ANKFN1: variants seen among roughly 807,000 people sequenced by gnomAD.
ANKFN1 encodes the protein ankyrin repeat and fibronectin type III domain containing 1, also known as ankyrin repeat and fibronectin type-III domain-containing protein 1.
In ANKFN1, 74 loss-of-function variants were observed where a neutral mutation model predicts 108.7. The observed-to-expected ratio is 0.68, with a 90% CI of 0.56 to 0.83. The LOEUF (loss-of-function observed/expected upper bound fraction) is 0.83. ANKFN1 is among the 40% of genes least tolerant of loss of function. The pLI, the probability that ANKFN1 is intolerant of heterozygous loss-of-function variation, is 0.00. For synonymous variants in ANKFN1, 547 were observed against 516.2 expected, an observed-to-expected ratio of 1.06 and a Z score of -0.81; for missense variants, 1,505 against 1,382.3, an observed-to-expected ratio of 1.09 and a Z score of -1.41.
intron 4 of ANKFN1, among the ~76,000 whole-genome samples, chr17:56,140,068 C>T (rs553809714): frequency 5.3e-5 from 8 of 152,282 alleles, no homozygotes; most frequent in Admixed American, 3.9e-4. Context: ...GCTTGATGGA[C>T]GTGTATATTT....
chr17:56,393,934 G>C (rs2047507502), intron 8 of ANKFN1, among the ~76,000 whole-genome samples: 1 of 152,152 alleles, frequency 6.6e-6, no homozygotes, highest in African/African-American at 2.4e-5. Flanking sequence ...TCCTTTACCA[G>C]TCAACAAATA....
intron 3 of ANKFN1, 103 bp downstream of exon 3, chr17:56,228,060 T>G (rs760966275): frequency 1.0e-6 from 1 of 980,514 alleles, no homozygotes; most frequent in Non-Finnish European, 1.5e-6. Flanking sequence ...ATTTTTAAAG[T>G]CTAGCTCAGC....
At chr17:56,297,609 C>A (rs1247699177) in intron 3 of ANKFN1, among the ~76,000 whole-genome samples, 2 of 152,210 alleles carry the variant, frequency 1.3e-5, no homozygotes, top group Non-Finnish European at 2.9e-5. Flanking sequence ...ATGGGAGATG[C>A]AGCTTTCCTC....
At chr17:56,246,112 A>G (rs1917937859) in intron 3 of ANKFN1, among the ~76,000 whole-genome samples, 1 of 152,152 alleles carries the variant, frequency 6.6e-6, no homozygotes, top group Non-Finnish European at 1.5e-5. Flanking sequence ...CTCTAATCAG[A>G]TGAGTCAGTA....
intron 4 of ANKFN1, among the ~76,000 whole-genome samples, chr17:56,327,954 C>T (rs1309274709): frequency 1.3e-5 from 2 of 151,974 alleles, no homozygotes; most frequent in African/African-American, 4.8e-5. Context: ...ATGTCCCTTC[C>T]CTCATCTAAG....
chr17:56,195,537 C>T lies in ANKFN1; in HGVS notation c.-70-17061C>T, dbSNP rs1913429456. 5.3e-5 allele frequency among the ~76,000 whole-genome samples: 8 copies of T among 152,282 alleles called. No individual in the cohort carries two copies. In the South Asian group the frequency reaches 1.2e-3, roughly 24 times the overall value. ...TTTCCTCCATGTCATTGTCTCTAACCCTGGTGTCAAACAGCCAATCTTTAC... is the reference window on the plus strand; with the variant it reads ...TTTCCTCCATGTCATTGTCTCTAACTCTGGTGTCAAACAGCCAATCTTTAC... On this transcript the variant is annotated intron_variant, in intron 1 of 20. Coordinates refer to ENST00000682825, the MANE Select transcript of ANKFN1 (RefSeq NM_001370326.1).
chr17:56,053,372 G>A (rs1244548111), intron 4 of ANKFN1, among the ~76,000 whole-genome samples: 2 of 151,932 alleles, frequency 1.3e-5, no homozygotes, highest in African/African-American at 2.4e-5. Context: ...TTAATTTTTA[G>A]CACCCACAAG....
intron 4 of ANKFN1, among the ~76,000 whole-genome samples, chr17:56,072,008 G>A (rs775777904): frequency 2.0e-5 from 3 of 152,172 alleles, no homozygotes; most frequent in Non-Finnish European, 4.4e-5. Flanking sequence ...CAGACTCCAG[G>A]CAGCAGCCAC....
At chr17:56,432,150 A>G (rs899947847) in intron 8 of ANKFN1, among the ~76,000 whole-genome samples, 4 of 152,218 alleles carry the variant, frequency 2.6e-5, no homozygotes, top group African/African-American at 4.8e-5. Flanking sequence ...GCTATTGTTC[A>G]GTTACATCCA....
chr17:56,098,592 G>A (rs1905579356), intron 4 of ANKFN1, among the ~76,000 whole-genome samples: 1 of 152,122 alleles, frequency 6.6e-6, no homozygotes, highest in Non-Finnish European at 1.5e-5. Context: ...CAGGCCCTTT[G>A]TTTTATTAAC....
rs573698825 is a variant in ANKFN1 at position 56,424,935 on chromosome 17, T to C, written c.911-15392T>C. On this transcript the variant is annotated intron_variant, in intron 8 of 20. Transcript: ENST00000682825. ...ACTCTGAGGTTTCAAATGTGTAGAATTGAGATGGTGACAGCTACATAAATA... is the reference window on the plus strand; with the variant it reads ...ACTCTGAGGTTTCAAATGTGTAGAACTGAGATGGTGACAGCTACATAAATA... Among the ~76,000 whole-genome samples, 16 of 152,166 alleles carry C rather than the reference T, an allele frequency of 1.1e-4. No individual in the cohort carries two copies. In the South Asian group the frequency reaches 2.7e-3, roughly 26 times the overall value.
intron 4 of ANKFN1, among the ~76,000 whole-genome samples, chr17:56,333,834 T>C (rs2045731264): frequency 6.6e-6 from 1 of 152,116 alleles, no homozygotes; most frequent in African/African-American, 2.4e-5. Flanking sequence ...AATGTAAAAC[T>C]AGAAATTAAC....
intron 3 of ANKFN1, among the ~76,000 whole-genome samples, chr17:56,265,780 T>A (rs2043634110): frequency 6.6e-6 from 1 of 152,228 alleles, no homozygotes; most frequent in South Asian, 2.1e-4. Context: ...TTATAATACC[T>A]AATACAATGC....
chr17:56,503,443 C>G (rs2051441137), intron 20 of ANKFN1, among the ~76,000 whole-genome samples: 1 of 135,756 alleles, frequency 7.4e-6, no homozygotes, highest in Non-Finnish European at 1.5e-5. Flanking sequence ...TATTTAAAGT[C>G]TACTCAAACA....
Position 56,086,761 on chromosome 17 carries a change from C to A in ANKFN1, c.288+40436C>A, listed in dbSNP as rs921485146. On this transcript the variant is annotated intron_variant, in intron 4 of 12. Coordinates refer to the ANKFN1 transcript ENST00000635860. The stretch of plus-strand genomic sequence containing the variant: ...GAAACTTACTAAAAAGTCACAGAGA[C>A]CGGCAGTAGATGACTGTTCTAGCTC... Among the ~76,000 whole-genome samples the A allele has an allele frequency of 5.6e-4, 84 of 151,316 alleles. 1 individual carries two copies. Among genetic ancestry groups the A allele is most frequent in the African/African-American group, 1.8e-3 (74 of 41,206 alleles).
At chr17:56,182,279 G>T (rs140511562) in intron 1 of ANKFN1, among the ~76,000 whole-genome samples, 2 of 152,314 alleles carry the variant, frequency 1.3e-5, no homozygotes, top group Non-Finnish European at 2.9e-5. Context: ...GCCAAGAGAG[G>T]CCAAAAGCTA....
chr17:56,496,983 A>T (rs945068091), intron 19 of ANKFN1, among the ~76,000 whole-genome samples: 8 of 152,142 alleles, frequency 5.3e-5, no homozygotes, highest in Non-Finnish European at 1.2e-4. Context: ...TCATTCATTC[A>T]TTCATTAAAC....
intron 6 of ANKFN1, among the ~76,000 whole-genome samples, chr17:56,363,308 G>T (rs2046574673): frequency 6.6e-6 from 1 of 151,690 alleles, no homozygotes. Flanking sequence ...CAGATATATG[G>T]AAAAAAAATG....
intron 8 of ANKFN1, among the ~76,000 whole-genome samples, chr17:56,438,242 A>T (rs2048988751): frequency 1.3e-5 from 2 of 152,266 alleles, no homozygotes; most frequent in South Asian, 4.1e-4. Flanking sequence ...ATTATTCCTG[A>T]TGAATTTAGA....
Sources: gnomAD v4.1 joint callset for allele counts (sites outside exome capture counted in the v4.1 genomes callset) on GRCh38, gnomAD v4.1.1 for gene constraint, MANE v1.5 for transcripts, NCBI Gene and HGNC (gene_info 2026-07-23, HGNC 2026-07-21) for gene names.